Variants in TUBGCP5 observed in about 807,000 individuals in gnomAD.
TUBGCP5 encodes the protein gamma-tubulin complex component 5.
A neutral mutation model predicts 134.7 loss-of-function variants in TUBGCP5; 98 were observed. That is an observed-to-expected ratio of 0.73 (90% confidence interval 0.62 to 0.86). TUBGCP5 has a LOEUF of 0.86. Among genes scored for constraint, TUBGCP5 ranks in the 40% least tolerant of loss-of-function variants. The pLI is 0.00. For synonymous variants in TUBGCP5, 456 were observed against 431.4 expected, an observed-to-expected ratio of 1.06 and a Z score of -0.71; for missense variants, 1,150 against 1,244.8, an observed-to-expected ratio of 0.92 and a Z score of 1.15.
At chr15:23,003,009 G>A in intron 21 of TUBGCP5, 56 bp downstream of exon 21, 1 of 1,565,982 alleles carries the variant, frequency 6.4e-7, no homozygotes, top group Non-Finnish European at 8.8e-7. Context: ...CTAAAAAAAA[G>A]GGAAGCTGAA....
chr15:23,030,948 C>CT lies in TUBGCP5; in HGVS notation c.558dup (p.Asp187ArgfsTer23). The CT allele has an allele frequency of 6.2e-7, 1 of 1,613,644 alleles. No individual in the cohort carries two copies. The highest frequency in any genetic ancestry group is 8.5e-7 in the Non-Finnish European group (1 of 1,179,856). ...TCTTGTTCTTCTAACGGTGTCCTGT[C>CT]TACCTGAATTCCAGAGTCCTCTCTG... is the stretch of plus-strand genomic sequence containing the variant. On this transcript the variant is annotated frameshift_variant, in exon 6 of 23. Coordinates refer to ENST00000615383, the MANE Select transcript of TUBGCP5 (RefSeq NM_052903.6). LOFTEE classifies it high-confidence loss of function.
At position 22,990,719 on chromosome 15, in the gene TUBGCP5, C is replaced by A. The variant is rs542291051; in HGVS notation, c.*61+6126G>T. ...CAGCCTTAACAGACTAAGACAGTTA[C>A]CTTATGTGAAGAAAAAGAGTCTTAG... On this transcript the variant is annotated intron_variant and NMD_transcript_variant, in intron 23 of 23. Transcript: ENST00000614508. Among the ~76,000 whole-genome samples the A allele has an allele frequency of 1.5e-4, 23 of 152,170 alleles. No individual in the cohort carries two copies. In the South Asian group the frequency reaches 4.6e-3, roughly 30 times the overall value.
chr15:22,992,604 G>C (rs2063883196), intron 23 of TUBGCP5, among the ~76,000 whole-genome samples: 1 of 152,098 alleles, frequency 6.6e-6, no homozygotes, highest in African/African-American at 2.4e-5. Context: ...CTAACAGGTG[G>C]GCATGGCTCT....
chr15:23,000,522 T>G, intron 22 of TUBGCP5, 47 bp downstream of exon 22: 1 of 1,597,914 alleles, frequency 6.3e-7, no homozygotes, highest in Non-Finnish European at 8.5e-7. Flanking sequence ...ATACACTTAG[T>G]TACAAGGAAA....
chr15:23,006,447 C>G, intron 16 of TUBGCP5, 95 bp from the exon 17 acceptor site: 1 of 808,616 alleles, frequency 1.2e-6, no homozygotes, highest in Admixed American at 3.1e-5. Context: ...CATAATATTC[C>G]CCAAAAGATA....
chr15:23,011,027 T>TA (rs1276017230), intron 14 of TUBGCP5, 106 bp downstream of exon 14: 1 of 1,066,980 alleles, frequency 9.4e-7, no homozygotes, highest in Non-Finnish European at 1.4e-6. Context: ...AAGGATAGCC[T>TA]ACAAGAGTTT....
rs769077573 is a variant in TUBGCP5 at position 23,037,023 on chromosome 15, A to C, written c.201-18T>G. 8 of 1,594,222 alleles carry C rather than the reference A, an allele frequency of 5.0e-6. No homozygotes were observed. In the Admixed American group the frequency reaches 1.2e-4, roughly 24 times the overall value. On this transcript the variant is annotated intron_variant, in intron 2 of 22. Transcript: ENST00000615383. ...CATAAATTCTAAAATATAAGAAAAG[A>C]TTATAAAGCTATCTTAAAAAGATCT...
intron 12 of TUBGCP5, 55 bp downstream of exon 12, chr15:23,019,164 G>A (rs2065509955): frequency 1.6e-6 from 2 of 1,251,406 alleles, no homozygotes; most frequent in Non-Finnish European, 2.3e-6. Context: ...GATTTTCATG[G>A]GGAGGAAACT....
chr15:23,008,673 A>G (rs769228019), intron 16 of TUBGCP5, 26 bp downstream of exon 16: 2 of 1,603,152 alleles, frequency 1.2e-6, no homozygotes, highest in Non-Finnish European at 1.7e-6. Context: ...ACACTAATTT[A>G]AATAAAGGTG....
chr15:23,005,943 C>CTTCT (rs536225972), intron 18 of TUBGCP5, 109 bp downstream of exon 18: 34,166 of 758,906 alleles, frequency 0.045, 54 homozygotes, highest in African/African-American at 0.14. Flanking sequence ...CAACCACCAA[C>CTTCT]TTTTTTTTTT....
intron 13 of TUBGCP5, among the ~76,000 whole-genome samples, chr15:23,014,835 G>A (rs551860822): frequency 6.6e-6 from 1 of 152,208 alleles, no homozygotes; most frequent in African/African-American, 2.4e-5. Flanking sequence ...TGTTCTCATG[G>A]AGCCCCTGGC....
chr15:23,037,413 GC>G (rs987913082), intron 1 of TUBGCP5, among the ~76,000 whole-genome samples: 1 of 152,074 alleles, frequency 6.6e-6, no homozygotes, highest in Non-Finnish European at 1.5e-5. Context: ...CTTCCCATAA[GC>G]CCCTGTACCT....
intron 14 of TUBGCP5, among the ~76,000 whole-genome samples, chr15:23,010,652 A>G (rs929567073): frequency 5.9e-5 from 9 of 152,284 alleles, no homozygotes; most frequent in African/African-American, 1.7e-4. Flanking sequence ...ATACACCTGA[A>G]GTAGGTGAGC....
rs187852914 is a variant in TUBGCP5 at position 23,014,734 on chromosome 15, C to T, written c.1756+3039G>A. Among the ~76,000 whole-genome samples the T allele has an allele frequency of 1.8e-3, 269 of 152,300 alleles. 1 individual carries two copies. Among genetic ancestry groups the T allele is most frequent in the African/African-American group, 6.3e-3 (263 of 41,574 alleles). On this transcript the variant is annotated intron_variant, in intron 13 of 22. Coordinates refer to ENST00000615383, the MANE Select transcript of TUBGCP5 (RefSeq NM_052903.6). ...GTACCCACATCCTGGGCCTAAGAAA[C>T]AGCCTTATAGGTTACCCCCAGCAAA...
chr15:22,999,501 A>G lies in TUBGCP5; in HGVS notation c.*319T>C, dbSNP rs1567093095. 6.4e-6 allele frequency: 2 copies of G among 312,052 alleles called. No homozygotes were observed. The highest frequency in any genetic ancestry group is 6.7e-5 in the East Asian group (1 of 14,974). The allele number at this position is 312,052 out of a possible 1,614,324, so 19.3% of individuals were successfully genotyped here. A position where few individuals can be genotyped will look rare whatever the true frequency, so the allele number is the denominator to read the frequency against. On this transcript the variant is annotated 3_prime_UTR_variant, in exon 23 of 23. Transcript: ENST00000615383. ...CTGTAGCCTTGACCTCCTGGGCTCAAGTAATCCTCCCATCTTTGCCTCCTG... is the reference window on the plus strand; with the variant it reads ...CTGTAGCCTTGACCTCCTGGGCTCAGGTAATCCTCCCATCTTTGCCTCCTG...
In TUBGCP5 at chr15:23,008,450, A is replaced by C. The variant is rs774097999; in HGVS notation, c.2327+249T>G. ...CTTTTTGTATTTTTAGTAGAGACAG[A>C]GTTTCACCATGTTGGCCAGGCTGGT... On this transcript the variant is annotated intron_variant, in intron 16 of 22. Transcript: ENST00000615383. 7.0e-4 allele frequency: 330 copies of C among 469,136 alleles called. 1 individual carries two copies. The Middle Eastern group carries it at 9.8e-3, about 14-fold the overall frequency. The allele number at this position is 469,136 out of a possible 1,614,324, so 29.1% of individuals were successfully genotyped here. A position where few individuals can be genotyped will look rare whatever the true frequency, so the allele number is the denominator to read the frequency against.
At chr15:22,984,293 A>G (rs2063616641) in intron 23 of TUBGCP5, among the ~76,000 whole-genome samples, 1 of 152,182 alleles carries the variant, frequency 6.6e-6, no homozygotes, top group African/African-American at 2.4e-5. Context: ...TTGGTTTTCA[A>G]TTAAGATGCT....
intron 6 of TUBGCP5, among the ~76,000 whole-genome samples, chr15:23,028,230 C>G (rs1567157991): frequency 1.3e-5 from 2 of 151,680 alleles, no homozygotes; most frequent in Admixed American, 6.6e-5. Flanking sequence ...AAGTAACAAA[C>G]TTAGCTGGGT....
rs896329856 is a variant in TUBGCP5 at position 23,039,407 on chromosome 15, G to A, written c.137C>T (p.Ser46Phe). ...GCGCCGTGCCCCACACCTGAAGTTGGACCAGGCGAAGTTTAGGGCGAGCTG... is the reference window on the plus strand; with the variant it reads ...GCGCCGTGCCCCACACCTGAAGTTGAACCAGGCGAAGTTTAGGGCGAGCTG... ...NFQLALNFAW[S>F]NFRFHRFLDV... is the part of the protein sequence containing the mutation. Residue 46 changes from serine (S) to phenylalanine (F), a missense_variant, in exon 1 of 23, where the codon TCC becomes TTC. This residue lies in a region of TUBGCP5 where 453 missense variants were observed against 394.7 expected (regional missense o/e 1.15). Transcript: ENST00000615383. The A allele has an allele frequency of 2.7e-6, 4 of 1,502,244 alleles. No homozygotes were observed. The highest frequency in any genetic ancestry group is 4.0e-5 in the Admixed American group (2 of 49,498). 93.1% of individuals were successfully genotyped at this position (1,502,244 alleles called of 1,614,324 possible). A position where few individuals can be genotyped will look rare whatever the true frequency, so the allele number is the denominator to read the frequency against.
Sources: allele counts gnomAD v4.1 joint callset (sites outside exome capture counted in the v4.1 genomes callset), GRCh38; gene constraint gnomAD v4.1.1; regional missense constraint gnomAD v4.1.1; transcripts MANE v1.5; gene names NCBI Gene and HGNC (gene_info 2026-07-23, HGNC 2026-07-21).